GRIK3: variants seen among roughly 807,000 people sequenced by gnomAD.
The protein encoded by GRIK3 is glutamate receptor ionotropic, kainate 3.
In GRIK3, 29 loss-of-function variants were observed where a neutral mutation model predicts 102.5. That is an observed-to-expected ratio of 0.28 (90% confidence interval 0.21 to 0.39). The LOEUF is 0.39. Among genes scored for constraint, GRIK3 ranks in the 10% least tolerant of loss-of-function variants. The pLI is 1.00. For missense variants in GRIK3, 908 were observed against 1,252.4 expected (o/e 0.73, Z 4.15); for synonymous variants, 511 against 504.9 (o/e 1.01, Z -0.16).
intron 1 of GRIK3, among the ~76,000 whole-genome samples, chr1:36,950,861 C>T (rs1004224224): frequency 1.3e-5 from 2 of 152,220 alleles, no homozygotes; most frequent in Non-Finnish European, 1.5e-5. Flanking sequence ...ACACTCACTC[C>T]CCTGGGATGA....
intron 1 of GRIK3, among the ~76,000 whole-genome samples, chr1:36,966,269 T>A (rs1642077105): frequency 6.6e-6 from 1 of 152,218 alleles, no homozygotes. Flanking sequence ...TTGTGATGTC[T>A]CAAGCTGGAC....
chr1:36,882,492 C>T (rs1181652865), intron 2 of GRIK3, among the ~76,000 whole-genome samples: 1 of 152,220 alleles, frequency 6.6e-6, no homozygotes, highest in East Asian at 1.9e-4. Flanking sequence ...AGAAGCCATT[C>T]TCTCTTCTTT....
chr1:36,917,260 GA>G (rs1641412041), intron 1 of GRIK3, among the ~76,000 whole-genome samples: 1 of 152,198 alleles, frequency 6.6e-6, no homozygotes, highest in South Asian at 2.1e-4. Flanking sequence ...TTTTATCGAG[GA>G]AGTAACTAAC....
At chr1:36,878,632 T>C (rs1468238005) in intron 3 of GRIK3, among the ~76,000 whole-genome samples, 2 of 152,296 alleles carry the variant, frequency 1.3e-5, no homozygotes, top group South Asian at 2.1e-4. Flanking sequence ...GGCTAAGAAA[T>C]GTCTTGGGAC....
intron 13 of GRIK3, among the ~76,000 whole-genome samples, chr1:36,812,971 C>T (rs764378362): frequency 6.6e-6 from 1 of 152,210 alleles, no homozygotes; most frequent in African/African-American, 2.4e-5. Context: ...CCACTCAACA[C>T]GTATTATTAG....
At chr1:36,813,103 C>G (rs914047708) in intron 13 of GRIK3, among the ~76,000 whole-genome samples, 2 of 152,238 alleles carry the variant, frequency 1.3e-5, no homozygotes, top group African/African-American at 4.8e-5. Context: ...CATATGAACA[C>G]AGTGACCAAG....
At chr1:36,937,484 A>G (rs1403779709) in intron 1 of GRIK3, among the ~76,000 whole-genome samples, 1 of 152,190 alleles carries the variant, frequency 6.6e-6, no homozygotes, top group Non-Finnish European at 1.5e-5. Flanking sequence ...ACTATCTAAG[A>G]CATCACAGAT....
At chr1:36,916,690 G>A (rs978064257) in intron 1 of GRIK3, among the ~76,000 whole-genome samples, 3 of 152,180 alleles carry the variant, frequency 2.0e-5, no homozygotes, top group African/African-American at 4.8e-5. Context: ...ATGTGGTGTT[G>A]AGCCTGCAGG....
intron 13 of GRIK3, among the ~76,000 whole-genome samples, chr1:36,816,511 C>T (rs767065669): frequency 1.3e-5 from 2 of 152,224 alleles, no homozygotes; most frequent in Non-Finnish European, 2.9e-5. Context: ...CCCATTAGAG[C>T]AGTCACTTGA....
At chr1:36,944,422 A>G (rs894856204) in intron 1 of GRIK3, among the ~76,000 whole-genome samples, 1 of 152,102 alleles carries the variant, frequency 6.6e-6, no homozygotes, top group Non-Finnish European at 1.5e-5. Context: ...TAGTCCCCCA[A>G]GTGTTGGAAT....
rs756267031 is a variant in GRIK3, at chr1:36,859,958, G to A, written c.846C>T (p.Phe282=). The A allele has an allele frequency of 1.1e-5, 17 of 1,613,444 alleles. No individual in the cohort carries two copies. The highest frequency in any genetic ancestry group is 1.4e-5 in the Non-Finnish European group (16 of 1,179,630). The change falls in exon 6 of 16, where the codon TTC becomes TTT. Residue 282 remains phenylalanine, a synonymous_variant. Coordinates refer to ENST00000373091, the MANE Select transcript of GRIK3 (RefSeq NM_000831.4). ...GTGGGTTGTCCACATTGAGAATCCG[G>A]AATCCTGTCAGGTTCACGCCTGAGT... ...YRYSGVNLTG[F]RILNVDNPHV...
intron 1 of GRIK3, among the ~76,000 whole-genome samples, chr1:36,953,818 C>T (rs900972516): frequency 9.2e-5 from 14 of 152,074 alleles, no homozygotes; most frequent in Non-Finnish European, 1.9e-4. Context: ...TCACTCGCTC[C>T]GCAGCAATCA....
chr1:36,995,676 C>A (rs909624871), intron 1 of GRIK3, among the ~76,000 whole-genome samples: 4 of 152,214 alleles, frequency 2.6e-5, no homozygotes, highest in African/African-American at 9.7e-5. Flanking sequence ...CAGGAACCAG[C>A]CTGTTGCCTT....
At chr1:36,976,633 C>A (rs545299097) in intron 1 of GRIK3, among the ~76,000 whole-genome samples, 1 of 152,248 alleles carries the variant, frequency 6.6e-6, no homozygotes, top group South Asian at 2.1e-4. Context: ...TCGACTGCAT[C>A]TCAAGGTATG....
In GRIK3 at chr1:37,032,949, G is replaced by A. The variant is rs1294513760; in HGVS notation, c.115+1045C>T. The stretch of plus-strand genomic sequence containing the variant: ...AGCTGTAGAGGAGGAAGGTGGCCCT[G>A]GCTCGGCGGAGTCCGGCTCGCCTGG... On this transcript the variant is annotated intron_variant, in intron 1 of 15. Transcript: ENST00000373091. 2.0e-5 allele frequency among the ~76,000 whole-genome samples: 3 copies of A among 152,198 alleles called. No individual in the cohort carries two copies. In the East Asian group the frequency reaches 5.8e-4, roughly 29 times the overall value.
chr1:36,864,905 C>T (rs1279389029), intron 5 of GRIK3, among the ~76,000 whole-genome samples: 1 of 151,768 alleles, frequency 6.6e-6, no homozygotes, highest in East Asian at 1.9e-4. Context: ...ACACTGTGAA[C>T]TGTGTGCAAC....
At chr1:36,885,809 T>C (rs1641031145) in intron 2 of GRIK3, among the ~76,000 whole-genome samples, 1 of 152,194 alleles carries the variant, frequency 6.6e-6, no homozygotes, top group African/African-American at 2.4e-5. Flanking sequence ...ACTGCAGTAA[T>C]TACATTATTT....
rs1023650246 is a variant in GRIK3 at position 37,013,631 on chromosome 1, C to T, written c.115+20363G>A. 2.6e-5 allele frequency among the ~76,000 whole-genome samples: 4 copies of T among 152,216 alleles called. No individual in the cohort carries two copies. The South Asian group carries it at 6.2e-4, about 24-fold the overall frequency. ...GCTGCCGAGAGCTCTGCTTCTTAGC[C>T]GTGCAATGCTGGATCCTCCATTGCT... On this transcript the variant is annotated intron_variant, in intron 1 of 15. Coordinates refer to ENST00000373091, the MANE Select transcript of GRIK3 (RefSeq NM_000831.4).
intron 1 of GRIK3, among the ~76,000 whole-genome samples, chr1:36,920,930 C>T (rs1306117518): frequency 2.6e-5 from 4 of 152,230 alleles, no homozygotes; most frequent in Non-Finnish European, 4.4e-5. Context: ...TGCTGCCTCC[C>T]GCCCCCTCCA....
Sources: allele counts gnomAD v4.1 joint callset (sites outside exome capture counted in the v4.1 genomes callset), GRCh38; gene constraint gnomAD v4.1.1; transcripts MANE v1.5; gene names NCBI Gene and HGNC (gene_info 2026-07-23, HGNC 2026-07-21).